The following AHI1 variants were observed in gnomAD, a reference collection of about 807,000 sequenced individuals.
AHI1 encodes jouberin.
A neutral mutation model predicts 149.3 loss-of-function variants in AHI1; 123 were observed. That is an observed-to-expected ratio of 0.82 (90% CI 0.71 to 0.96). The LOEUF is 0.96. Among genes scored for constraint, AHI1 ranks in the 40% least tolerant of loss-of-function variants. The pLI, the probability that AHI1 is intolerant of heterozygous loss-of-function variation, is 0.00. For missense variants in AHI1, 1,439 were observed against 1,422.7 expected (o/e 1.01, Z -0.18); for synonymous variants, 475 against 459.8 (o/e 1.03, Z -0.42).
chr6:135,457,052 G>A (rs1789072316), intron 9 of AHI1, among the ~76,000 whole-genome samples: 1 of 152,104 alleles, frequency 6.6e-6, no homozygotes. Flanking sequence ...CAGCACTTTG[G>A]GAGGGTGAGG....
At chr6:135,459,239 T>C (rs918289704) in intron 8 of AHI1, among the ~76,000 whole-genome samples, 5 of 152,144 alleles carry the variant, frequency 3.3e-5, no homozygotes, top group African/African-American at 1.2e-4. Flanking sequence ...TAGAAAAGCA[T>C]CTGCTGCCTG....
intron 14 of AHI1, among the ~76,000 whole-genome samples, chr6:135,439,057 A>C (rs1785854104): frequency 6.6e-6 from 1 of 152,182 alleles, no homozygotes; most frequent in African/African-American, 2.4e-5. Context: ...AATGAAATCT[A>C]AGATAGTAAC....
intron 5 of AHI1, among the ~76,000 whole-genome samples, chr6:135,475,074 C>T (rs938824997): frequency 6.6e-5 from 10 of 152,176 alleles, no homozygotes; most frequent in South Asian, 4.2e-4. Flanking sequence ...CTACAGATTC[C>T]GTTTTTTTAA....
At chr6:135,364,293 G>A (rs1456640149) in intron 23 of AHI1, among the ~76,000 whole-genome samples, 1 of 151,314 alleles carries the variant, frequency 6.6e-6, no homozygotes, top group African/African-American at 2.4e-5. Flanking sequence ...CTCAGACGAT[G>A]GGCGGCCGGG....
chr6:135,428,751 G>C lies in AHI1; in HGVS notation c.2501C>G (p.Ala834Gly). ...ATTTGCTGCTCCTACAAACTTCCTT[G>C]CTACTAATCTACAAGCAAAAAAGAT... is the stretch of plus-strand genomic sequence containing the variant. ...LRIMDLRILVARKFVGAANYR... is the reference protein window; with the variant it reads ...LRIMDLRILVGRKFVGAANYR... Residue 834 changes from alanine to glycine, a missense_variant, in exon 19 of 29, where the codon GCA (alanine) becomes GGA (glycine). Transcript: ENST00000265602. 1 of 1,600,948 alleles carries C rather than the reference G, an allele frequency of 6.2e-7. No homozygotes were observed. Among genetic ancestry groups the C allele is most frequent in the Non-Finnish European group, 8.5e-7 (1 of 1,172,872 alleles).
intron 26 of AHI1, 155 bp downstream of exon 26, chr6:135,318,364 G>A (rs2128376018): frequency 4.9e-6 from 3 of 612,270 alleles, no homozygotes; most frequent in Non-Finnish European, 8.4e-6. Flanking sequence ...TGGCTATAAC[G>A]TTTGCCTTAT....
chr6:135,297,900 G>A lies in AHI1; in HGVS notation c.3485+2600C>T, dbSNP rs568294415. Among the ~76,000 whole-genome samples the A allele has an allele frequency of 6.6e-5, 10 of 152,110 alleles. No homozygotes were observed. The South Asian group carries it at 1.9e-3, about 28-fold the overall frequency. On this transcript the variant is annotated intron_variant, in intron 27 of 28. Coordinates refer to ENST00000265602, the MANE Select transcript of AHI1 (RefSeq NM_001134831.2). The stretch of plus-strand genomic sequence containing the variant: ...ATGCTTGGAATTGACATTTATAGCC[G>A]CACCATATTAAGAAGAGATTTCATT...
chr6:135,377,122 A>C (rs925017016), intron 23 of AHI1, among the ~76,000 whole-genome samples: 1 of 152,078 alleles, frequency 6.6e-6, no homozygotes, highest in African/African-American at 2.4e-5. Context: ...ATTAGATTAG[A>C]ATCTTGGTTA....
chr6:135,419,905 T>C (rs1782907219), intron 20 of AHI1, among the ~76,000 whole-genome samples: 1 of 152,156 alleles, frequency 6.6e-6, no homozygotes, highest in South Asian at 2.1e-4. Flanking sequence ...ACTAAATATA[T>C]GGAATTTCCT....
At chr6:135,446,119 G>A (rs1011561981) in intron 13 of AHI1, among the ~76,000 whole-genome samples, 1 of 151,638 alleles carries the variant, frequency 6.6e-6, no homozygotes, top group Non-Finnish European at 1.5e-5. Flanking sequence ...TATGTTATCT[G>A]ACTGCTGTTA....
At chr6:135,470,578 A>G (rs1477126959) in intron 5 of AHI1, among the ~76,000 whole-genome samples, 4 of 152,260 alleles carry the variant, frequency 2.6e-5, no homozygotes, top group African/African-American at 9.6e-5. Context: ...ATGCCCATCA[A>G]TGATAGACTG....
At chr6:135,326,630 G>A (rs1412599990) in intron 24 of AHI1, among the ~76,000 whole-genome samples, 5 of 151,500 alleles carry the variant, frequency 3.3e-5, no homozygotes, top group African/African-American at 4.9e-5. Flanking sequence ...GCGCCATCTC[G>A]GCTCACTGCA....
intron 13 of AHI1, among the ~76,000 whole-genome samples, chr6:135,443,546 A>G (rs1786667752): frequency 6.6e-6 from 1 of 152,158 alleles, no homozygotes; most frequent in Non-Finnish European, 1.5e-5. Flanking sequence ...AGTAACCATT[A>G]TTAGCTCTAT....
Position 135,433,204 on chromosome 6 carries a change from G to C in AHI1, c.2089C>G (p.Pro697Ala). The change falls in exon 16 of 29, where the codon CCT (proline) becomes GCT (alanine). Residue 697 changes from proline to alanine, a missense_variant. Pro to Ala is a conservative substitution (Grantham distance 27). Transcript: ENST00000265602. Reference protein sequence around the residue: ...NTNTFRVLPHPSFVYTAKFHP... With the variant: ...NTNTFRVLPHASFVYTAKFHP... ...AATTTAGCCGTGTAAACAAAAGAAG[G>C]ATGAGGTAAAACTCTGAAAGTATTT... is the stretch of plus-strand genomic sequence containing the variant. 6.2e-7 allele frequency: 1 copy of C among 1,612,498 alleles called. No individual in the cohort carries two copies.
At chr6:135,483,205 G>C (rs1359275384) in intron 5 of AHI1, among the ~76,000 whole-genome samples, 1 of 151,802 alleles carries the variant, frequency 6.6e-6, no homozygotes, top group Non-Finnish European at 1.5e-5. Context: ...GCCCATTTAA[G>C]GCTTTTTAAA....
chr6:135,436,721 C>T (rs1390639351), intron 15 of AHI1, among the ~76,000 whole-genome samples: 3 of 152,164 alleles, frequency 2.0e-5, no homozygotes, highest in Admixed American at 6.5e-5. Flanking sequence ...CTTGCCTCAG[C>T]CTCTGAAGTA....
intron 20 of AHI1, among the ~76,000 whole-genome samples, chr6:135,422,996 C>T (rs1783428575): frequency 6.6e-6 from 1 of 152,132 alleles, no homozygotes; most frequent in Admixed American, 6.6e-5. Flanking sequence ...GCACTGAGAA[C>T]ATGGACTCTG....
chr6:135,410,248 C>T (rs1434149465), intron 21 of AHI1, among the ~76,000 whole-genome samples: 2 of 152,068 alleles, frequency 1.3e-5, no homozygotes, highest in African/African-American at 2.4e-5. Flanking sequence ...TGTGTGCCTA[C>T]AGTCCCAGCT....
At chr6:135,352,593 C>T (rs1482633681) in intron 24 of AHI1, among the ~76,000 whole-genome samples, 2 of 151,988 alleles carry the variant, frequency 1.3e-5, no homozygotes, top group Non-Finnish European at 2.9e-5. Flanking sequence ...CATGACATCC[C>T]TTCCGTTATT....
Sources: gnomAD v4.1 joint callset for allele counts (sites outside exome capture counted in the v4.1 genomes callset) on GRCh38, gnomAD v4.1.1 for gene constraint, MANE v1.5 for transcripts, NCBI Gene and HGNC (gene_info 2026-07-23, HGNC 2026-07-21) for gene names.